Variants in CAST observed in about 807,000 individuals in gnomAD.
The protein encoded by CAST is calpastatin, also known as MIR583 host.
In CAST, 76 loss-of-function variants were observed where a neutral mutation model predicts 119.6. That is an observed-to-expected ratio of 0.64 (90% CI 0.53 to 0.77). The LOEUF (loss-of-function observed/expected upper bound fraction) is 0.77. CAST is among the 30% of genes least tolerant of loss of function. The probability of loss-of-function intolerance (pLI) is 0.00; values close to 1 mark genes in which losing one functional copy is unlikely to be tolerated. For missense variants in CAST, 953 were observed against 946.5 expected, an observed-to-expected ratio of 1.01 and a Z score of -0.09; for synonymous variants, 319 against 331.6, an observed-to-expected ratio of 0.96 and a Z score of 0.41.
At chr5:96,643,715 A>C (rs979434607) in intron 1 of CAST, among the ~76,000 whole-genome samples, 4 of 152,092 alleles carry the variant, frequency 2.6e-5, no homozygotes, top group African/African-American at 9.7e-5. Flanking sequence ...TCTACTAAAA[A>C]TATAAAAATT....
intron 1 of CAST, among the ~76,000 whole-genome samples, chr5:96,530,745 A>G (rs1304970319): frequency 6.6e-6 from 1 of 152,110 alleles, no homozygotes; most frequent in African/African-American, 2.4e-5. Context: ...GAGCACATGC[A>G]TTTCTCCCCT....
At chr5:96,685,514 T>C (rs1005863311) in intron 2 of CAST, among the ~76,000 whole-genome samples, 1 of 152,234 alleles carries the variant, frequency 6.6e-6, no homozygotes. Flanking sequence ...TAATGGCTTG[T>C]ACATTATAAA....
the CAST span, among the ~76,000 whole-genome samples, chr5:96,389,752 A>G: frequency 6.6e-6 from 1 of 152,140 alleles, no homozygotes; most frequent in African/African-American, 2.4e-5. Context: ...CCTGGGCAAC[A>G]TGACGAAACC....
the CAST span, among the ~76,000 whole-genome samples, chr5:96,222,807 C>T: frequency 8.5e-5 from 13 of 152,114 alleles, no homozygotes; most frequent in African/African-American, 3.1e-4. Flanking sequence ...GTGATACCTG[C>T]ACCCCTATGT....
At chr5:96,007,623 G>GCGGCACTGAAGAAA in the CAST span, among the ~76,000 whole-genome samples, 6 of 460 alleles carry the variant, frequency 0.013, 1 homozygote, top group African/African-American at 0.17. Flanking sequence ...GAGGAAGATG[G>GCGGCACTGAAGAAA]GGCCGGGCGC....
At chr5:96,527,513 A>G (rs1745615185), upstream of CAST, among the ~76,000 whole-genome samples, 1 of 152,118 alleles carries the variant, frequency 6.6e-6, no homozygotes, top group Admixed American at 6.5e-5. Flanking sequence ...CTCATGGAGA[A>G]GTTCAGTAAA....
At chr5:96,411,086 G>A in the CAST span, 6 of 878,092 alleles carry the variant, frequency 6.8e-6, no homozygotes, top group African/African-American at 4.9e-5. Context: ...GAAATTCTCA[G>A]AGACAGCTAT....
the CAST span, among the ~76,000 whole-genome samples, chr5:95,985,502 C>T: frequency 4.1e-4 from 62 of 152,274 alleles, 1 homozygote; most frequent in Non-Finnish European, 6.8e-4. Context: ...TGCTCAAAGG[C>T]ACAAACCTGG....
At chr5:96,295,983 C>T in the CAST span, among the ~76,000 whole-genome samples, 1 of 152,112 alleles carries the variant, frequency 6.6e-6, no homozygotes, top group Non-Finnish European at 1.5e-5. Context: ...TAACTCTCTT[C>T]TTTGTACTTT....
At chr5:96,735,768 A>G (rs1346295669) in intron 9 of CAST, among the ~76,000 whole-genome samples, 3 of 152,238 alleles carry the variant, frequency 2.0e-5, no homozygotes, top group African/African-American at 7.2e-5. Flanking sequence ...GAAGTGAGGG[A>G]TATGGAAGTC....
chr5:96,030,212 A>AG, the CAST span, among the ~76,000 whole-genome samples: 8 of 152,206 alleles, frequency 5.3e-5, no homozygotes, highest in Admixed American at 2.0e-4. Flanking sequence ...ATTTTCAGAA[A>AG]TGTGAAACCA....
At chr5:96,267,406 A>T in the CAST span, among the ~76,000 whole-genome samples, 1 of 152,210 alleles carries the variant, frequency 6.6e-6, no homozygotes, top group Non-Finnish European at 1.5e-5. Context: ...TGAAGGACAG[A>T]GAGAGGATTC....
intron 1 of CAST, among the ~76,000 whole-genome samples, chr5:96,538,987 G>A (rs1353790092): frequency 5.3e-5 from 8 of 152,142 alleles, no homozygotes; most frequent in Admixed American, 2.6e-4. Flanking sequence ...GAATTGTATA[G>A]GAAATAGACC....
At chr5:96,107,503 G>T in the CAST span, among the ~76,000 whole-genome samples, 1 of 152,054 alleles carries the variant, frequency 6.6e-6, no homozygotes, top group Non-Finnish European at 1.5e-5. Context: ...GGCTGGATAT[G>T]AAATTCTGGG....
At chr5:96,370,742 G>C in the CAST span, among the ~76,000 whole-genome samples, 2 of 152,214 alleles carry the variant, frequency 1.3e-5, no homozygotes, top group African/African-American at 4.8e-5. Context: ...GCTTCAGAGA[G>C]ACCTGATGTG....
chr5:96,684,314 C>A (rs1751795446), intron 2 of CAST, among the ~76,000 whole-genome samples: 1 of 152,042 alleles, frequency 6.6e-6, no homozygotes, highest in Non-Finnish European at 1.5e-5. Context: ...ATTGGTGTTA[C>A]TTTATTATTA....
chr5:96,097,731 T>C, the CAST span, among the ~76,000 whole-genome samples: 3 of 152,230 alleles, frequency 2.0e-5, no homozygotes, highest in Admixed American at 1.3e-4. Flanking sequence ...TAGTCTATCA[T>C]TGATGGGCAT....
At chr5:96,217,670 C>A in the CAST span, among the ~76,000 whole-genome samples, 1 of 152,262 alleles carries the variant, frequency 6.6e-6, no homozygotes, top group South Asian at 2.1e-4. Context: ...CTATGCACAA[C>A]AATATGGATG....
chr5:96,694,420 G>A (rs1367916165), intron 2 of CAST, among the ~76,000 whole-genome samples: 2 of 152,100 alleles, frequency 1.3e-5, no homozygotes, highest in Non-Finnish European at 2.9e-5. Context: ...GGCAGATCAC[G>A]AGGTCAGGAG....
Sources: gnomAD v4.1 joint callset for allele counts (sites outside exome capture counted in the v4.1 genomes callset) on GRCh38, gnomAD v4.1.1 for gene constraint, MANE v1.5 for transcripts, NCBI Gene and HGNC (gene_info 2026-07-23, HGNC 2026-07-21) for gene names.